IL2RB: variants seen among roughly 807,000 people sequenced by gnomAD.
IL2RB encodes interleukin-2 receptor subunit beta.
IL2RB carries 17 observed loss-of-function variants against 44.2 expected under a neutral mutation model. That is an observed-to-expected ratio of 0.38 (90% confidence interval 0.26 to 0.58). The LOEUF is 0.58. IL2RB is among the 20% of genes least tolerant of loss of function. IL2RB has a pLI of 0.63. For synonymous variants in IL2RB, 286 were observed against 297.9 expected, an observed-to-expected ratio of 0.96 and a Z score of 0.41; for missense variants, 624 against 685.5, an observed-to-expected ratio of 0.91 and a Z score of 1.00.
intron 1 of IL2RB, among the ~76,000 whole-genome samples, chr22:37,159,534 C>A (rs562082690): frequency 6.6e-6 from 1 of 152,288 alleles, no homozygotes; most frequent in South Asian, 2.1e-4. Context: ...CCTGGCCCTA[C>A]AACATATATA....
intron 1 of IL2RB, among the ~76,000 whole-genome samples, chr22:37,160,232 G>A (rs1922811537): frequency 6.6e-6 from 1 of 152,230 alleles, no homozygotes; most frequent in Admixed American, 6.5e-5. Context: ...GCTCCCTGTG[G>A]GGAGCAGCGG....
chr22:37,149,820 A>T lies in IL2RB; in HGVS notation c.-34+5T>A. ...GGGGCCGGGAGGGAGGCAGGGGGAC[A>T]TCACCTGGCTGAGACATGGGGCGGT... On this transcript the variant is annotated splice_donor_5th_base_variant and intron_variant, in intron 1 of 9. Transcript: ENST00000216223. 2 of 985,068 alleles carry T rather than the reference A, an allele frequency of 2.0e-6. No individual in the cohort carries two copies. The highest frequency in any genetic ancestry group is 2.4e-6 in the Non-Finnish European group (2 of 829,638). The allele number at this position is 985,068 out of a possible 1,614,324, so 61.0% of individuals were successfully genotyped here. A position where few individuals can be genotyped will look rare whatever the true frequency, so the allele number is the denominator to read the frequency against.
intron 1 of IL2RB, among the ~76,000 whole-genome samples, chr22:37,147,055 C>G (rs971830673): frequency 2.0e-5 from 3 of 152,160 alleles, no homozygotes; most frequent in Non-Finnish European, 4.4e-5. Context: ...GTGGGAAAGA[C>G]TTGCTGAAGG....
At chr22:37,172,900 A>G (rs1923337047) in intron 1 of IL2RB, among the ~76,000 whole-genome samples, 1 of 152,088 alleles carries the variant, frequency 6.6e-6, no homozygotes, top group Non-Finnish European at 1.5e-5. Flanking sequence ...TGTCTTGAGA[A>G]CCACCGAAAG....
intron 6 of IL2RB, 134 bp from the exon 7 acceptor site, chr22:37,136,527 AC>A: frequency 1.1e-6 from 1 of 924,934 alleles, no homozygotes; most frequent in Non-Finnish European, 1.6e-6. Flanking sequence ...CTCCCTCACT[AC>A]CCAGTTGCTG....
chr22:37,128,534 T>G lies in IL2RB; in HGVS notation c.1218A>C (p.Gln406His), dbSNP rs775393264. 1.2e-6 allele frequency: 2 copies of G among 1,612,196 alleles called. No homozygotes were observed. Among genetic ancestry groups the G allele is most frequent in the Non-Finnish European group, 8.5e-7 (1 of 1,178,974 alleles). ...VAGAPTGSSPQPLQPLSGEDD... is the reference protein window; with the variant it reads ...VAGAPTGSSPHPLQPLSGEDD... ...CCTCCCCTGACAGAGGCTGCAGGGG[T>G]TGGGGGGAAGACCCTGTGGGTGCCC... The change falls in exon 10 of 10, where the codon CAA becomes CAC. Residue 406 changes from glutamine (Q) to histidine (H), a missense_variant. By Grantham distance (24) the Gln-to-His change is conservative. Transcript: ENST00000216223. The surrounding 1 kb of genome is among the most constrained non-coding windows in gnomAD (Gnocchi z 4.5).
At position 37,142,486 on chromosome 22, in the gene IL2RB, A is replaced by G. The variant is rs934523851; in HGVS notation, c.230T>C (p.Leu77Pro). 3.1e-6 allele frequency: 5 copies of G among 1,614,140 alleles called. No individual in the cohort carries two copies. In the South Asian group the frequency reaches 5.5e-5, roughly 18 times the overall value. Residue 77 changes from leucine (L) to proline (P), a missense_variant, in exon 4 of 10, where the codon CTC becomes CCC. Physicochemically the swap from Leu to Pro is moderately conservative, Grantham distance 98. Around this residue, in one of 3 missense-constraint regions of IL2RB, gnomAD observed 255 missense variants for 339.9 expected, o/e 0.75. Coordinates refer to ENST00000216223, the MANE Select transcript of IL2RB (RefSeq NM_000878.5). ...GGCCCAGGATGCTTGACTCACGGGGAGCAGCTCACAGGTTTGGTTCCACCG... is the reference window on the plus strand; with the variant it reads ...GGCCCAGGATGCTTGACTCACGGGGGGCAGCTCACAGGTTTGGTTCCACCG... ...RRRWNQTCEL[L>P]PVSQASWACN...
intron 1 of IL2RB, among the ~76,000 whole-genome samples, chr22:37,157,197 G>A (rs1049555634): frequency 2.0e-5 from 3 of 152,150 alleles, no homozygotes; most frequent in East Asian, 1.9e-4. Flanking sequence ...GCAGGCTAGC[G>A]GCCGACTTCC....
intron 1 of IL2RB, among the ~76,000 whole-genome samples, chr22:37,158,960 G>A (rs533103676): frequency 3.9e-5 from 6 of 152,210 alleles, no homozygotes; most frequent in Non-Finnish European, 5.9e-5. Context: ...GCAAAAAGGC[G>A]GACTCCTAAC....
Position 37,128,557 on chromosome 22 carries a change from C to A in IL2RB, c.1195G>T (p.Ala399Ser). The A allele has an allele frequency of 6.2e-7, 1 of 1,613,726 alleles. No homozygotes were observed. Among genetic ancestry groups the A allele is most frequent in the South Asian group, 1.1e-5 (1 of 91,080 alleles). ...EEDPDEGVAG[A>S]PTGSSPQPLQ... ...GGTTGGGGGGAAGACCCTGTGGGTG[C>A]CCCGGCCACACCCTCATCAGGGTCT... The change falls in exon 10 of 10, where the codon GCA becomes TCA. Residue 399 changes from alanine (A) to serine (S), a missense_variant. Around this residue, in one of 3 missense-constraint regions of IL2RB, gnomAD observed 291 missense variants for 275.5 expected, o/e 1.06. Coordinates refer to ENST00000216223, the MANE Select transcript of IL2RB (RefSeq NM_000878.5). The surrounding 1 kb of genome is among the most constrained non-coding windows in gnomAD (Gnocchi z 4.5).
upstream of IL2RB, chr22:37,149,983 C>T: frequency 5.5e-6 from 5 of 909,850 alleles, no homozygotes; most frequent in Non-Finnish European, 6.6e-6. Context: ...GATAGAGGGG[C>T]AAGGCCTGGG....
At chr22:37,134,282 G>C (rs1399410700) in intron 8 of IL2RB, among the ~76,000 whole-genome samples, 1 of 152,148 alleles carries the variant, frequency 6.6e-6, no homozygotes, top group Non-Finnish European at 1.5e-5. Context: ...GTGTGTGTAG[G>C]TTACACGCAA....
chr22:37,139,749 G>A (rs1228987983), intron 4 of IL2RB, among the ~76,000 whole-genome samples: 1 of 152,170 alleles, frequency 6.6e-6, no homozygotes, highest in Non-Finnish European at 1.5e-5. Flanking sequence ...GGAAGAAAAT[G>A]GCCAGGTATT....
intron 1 of IL2RB, among the ~76,000 whole-genome samples, chr22:37,145,730 G>A (rs1199880560): frequency 1.3e-5 from 2 of 152,160 alleles, no homozygotes; most frequent in Non-Finnish European, 2.9e-5. Context: ...CAGGGGGAGA[G>A]GGGAGAGGAG....
intron 8 of IL2RB, among the ~76,000 whole-genome samples, chr22:37,133,122 C>T (rs1421876370): frequency 6.6e-6 from 1 of 152,224 alleles, no homozygotes; most frequent in Non-Finnish European, 1.5e-5. Flanking sequence ...TACTGCAGCG[C>T]AGTGAGCGGC....
In IL2RB at chr22:37,129,759, A is replaced by C. The variant is rs1921329119; in HGVS notation, c.904-911T>G. Among the ~76,000 whole-genome samples the C allele has an allele frequency of 1.3e-5, 2 of 152,196 alleles. 1 individual carries two copies. The highest frequency in any genetic ancestry group is 4.1e-4 in the South Asian group (2 of 4,834). On this transcript the variant is annotated intron_variant, in intron 9 of 9. Transcript: ENST00000216223. ...GGGTAAGACACAGACTGCACAGCAGAGTGGGGGACAGCAGGCCCTCCTGGT... is the reference window on the plus strand; with the variant it reads ...GGGTAAGACACAGACTGCACAGCAGCGTGGGGGACAGCAGGCCCTCCTGGT...
Position 37,137,707 on chromosome 22 carries a change from T to C in IL2RB, c.417A>G (p.Gln139=). 2 of 1,614,046 alleles carry C rather than the reference T, an allele frequency of 1.2e-6. No homozygotes were observed. The highest frequency in any genetic ancestry group is 1.7e-6 in the Non-Finnish European group (2 of 1,179,936). Residue 139 remains glutamine, a synonymous_variant, in exon 6 of 10, where the codon CAA becomes CAG. Coordinates refer to ENST00000216223, the MANE Select transcript of IL2RB (RefSeq NM_000878.5). ...ATCTGTGGGTCTCCACGTGGACAAC[T>C]TGGAGGGAGATGGGGGCCATCAGGC... ...NLRLMAPISL[Q]VVHVETHRCN... is the part of the protein sequence containing the mutation.
At chr22:37,139,011 G>A (rs1921834128) in intron 5 of IL2RB, 106 bp downstream of exon 5, 1 of 734,500 alleles carries the variant, frequency 1.4e-6, no homozygotes, top group Admixed American at 2.2e-5. Context: ...AGATGTGGGT[G>A]TGGAAGCTGC....
intron 4 of IL2RB, 98 bp downstream of exon 4, chr22:37,142,336 C>G: frequency 4.4e-6 from 5 of 1,144,848 alleles, no homozygotes; most frequent in Non-Finnish European, 5.2e-6. Flanking sequence ...GCCATTGGGC[C>G]TCAGCTCTTC....
Sources: gnomAD v4.1 joint callset for allele counts (sites outside exome capture counted in the v4.1 genomes callset) on GRCh38, gnomAD v4.1.1 for gene constraint, gnomAD v4.1.1 regional missense constraint, Gnocchi (gnomAD v3.1) non-coding constraint, MANE v1.5 for transcripts, NCBI Gene and HGNC (gene_info 2026-07-23, HGNC 2026-07-21) for gene names.